Variants in ZCCHC4 observed in about 807,000 individuals in gnomAD.
ZCCHC4 encodes the protein rRNA N(6)-adenosine-methyltransferase ZCCHC4.
Under a neutral mutation model 67.7 loss-of-function variants are expected in ZCCHC4, and 54 were observed. The ratio of observed to expected loss-of-function variants is 0.80; its 90% confidence interval spans 0.64 to 1.00. ZCCHC4 has a LOEUF of 1.00. Among genes scored for constraint, ZCCHC4 ranks in the 50% least tolerant of loss-of-function variants. The pLI is 0.00. For missense variants in ZCCHC4, 609 were observed against 617.0 expected, an observed-to-expected ratio of 0.99 and a Z score of 0.14; for synonymous variants, 198 against 213.5, an observed-to-expected ratio of 0.93 and a Z score of 0.63.
chr4:25,368,020 C>A (rs572676614), intron 12 of ZCCHC4, among the ~76,000 whole-genome samples: 15 of 152,192 alleles, frequency 9.9e-5, no homozygotes, highest in African/African-American at 3.6e-4. Context: ...TCCTTGAAGT[C>A]AAAGATTATG....
At chr4:25,320,416 A>C (rs79494529) in intron 3 of ZCCHC4, among the ~76,000 whole-genome samples, 2,130 of 152,274 alleles carry the variant, frequency 0.014, 53 homozygotes, top group African/African-American at 0.047. Flanking sequence ...GCTCTTAGAG[A>C]AATGCCATAA....
At position 25,334,006 on chromosome 4, in the gene ZCCHC4, A is replaced by G. The variant is rs1719324758; in HGVS notation, c.686+18A>G. On this transcript the variant is annotated intron_variant, in intron 5 of 12. Transcript: ENST00000302874. ...GATTTTCGGTAGGTTTACAAAATAC[A>G]GTATTTCCTTTCATTGTCTCCTGTT... 2.0e-6 allele frequency: 3 copies of G among 1,505,356 alleles called. No homozygotes were observed. The highest frequency in any genetic ancestry group is 1.4e-5 in the African/African-American group (1 of 71,664). The allele number at this position is 1,505,356 out of a possible 1,614,324, so 93.2% of individuals were successfully genotyped here. A position where few individuals can be genotyped will look rare whatever the true frequency, so the allele number is the denominator to read the frequency against.
chr4:25,364,523 G>A lies in ZCCHC4; in HGVS notation c.1261+18G>A. Reference sequence around the variant, plus strand: ...AAAGCCTTGTAAGTATTGAGACTTAGTGTTTGAGATCCTATGAACATATTT... The same window carrying A: ...AAAGCCTTGTAAGTATTGAGACTTAATGTTTGAGATCCTATGAACATATTT... On this transcript the variant is annotated intron_variant, in intron 11 of 12. Coordinates refer to ENST00000302874, the MANE Select transcript of ZCCHC4 (RefSeq NM_024936.3). 6.5e-7 allele frequency: 1 copy of A among 1,544,718 alleles called. No individual in the cohort carries two copies. The highest frequency in any genetic ancestry group is 8.7e-7 in the Non-Finnish European group (1 of 1,147,050).
At chr4:25,327,082 C>G (rs1249595483) in intron 3 of ZCCHC4, among the ~76,000 whole-genome samples, 1 of 152,118 alleles carries the variant, frequency 6.6e-6, no homozygotes, top group African/African-American at 2.4e-5. Context: ...TTCTAGCAGG[C>G]TTTTTGAAGA....
chr4:25,332,387 A>G (rs1719228761), intron 3 of ZCCHC4, among the ~76,000 whole-genome samples: 1 of 151,228 alleles, frequency 6.6e-6, no homozygotes, highest in Non-Finnish European at 1.5e-5. Flanking sequence ...AGTTTTAGAC[A>G]TTTCTGACTC....
intron 3 of ZCCHC4, among the ~76,000 whole-genome samples, chr4:25,326,552 A>G (rs1352966223): frequency 1.3e-5 from 2 of 152,140 alleles, no homozygotes; most frequent in African/African-American, 2.4e-5. Flanking sequence ...CTTGACCTAT[A>G]GGTATATCTT....
At chr4:25,328,421 G>A (rs28644202) in intron 3 of ZCCHC4, among the ~76,000 whole-genome samples, 103 of 152,052 alleles carry the variant, frequency 6.8e-4, no homozygotes, top group African/African-American at 2.2e-3. Flanking sequence ...TGTATTTTTC[G>A]TAGAGATGGG....
intron 11 of ZCCHC4, among the ~76,000 whole-genome samples, 159 bp from the exon 12 acceptor site, chr4:25,364,863 A>G (rs1056747641): frequency 1.3e-5 from 2 of 152,152 alleles, no homozygotes; most frequent in Non-Finnish European, 2.9e-5. Context: ...TGGAATTCCA[A>G]CCTCTTCTCC....
Position 25,369,202 on chromosome 4 carries a change from C to G in ZCCHC4, c.*38C>G, listed in dbSNP as rs369615838. 5.0e-6 allele frequency: 8 copies of G among 1,601,998 alleles called. No individual in the cohort carries two copies. The highest frequency in any genetic ancestry group is 2.7e-5 in the African/African-American group (2 of 73,832). ...TGGAGAATAAGAAAGATTTATGGTC[C>G]AACCTTTGATGCCATTTTCTGAAAG... On this transcript the variant is annotated 3_prime_UTR_variant, in exon 13 of 13. Transcript: ENST00000302874.
chr4:25,325,594 C>T (rs969367528), intron 3 of ZCCHC4, among the ~76,000 whole-genome samples: 2 of 152,072 alleles, frequency 1.3e-5, no homozygotes, highest in Non-Finnish European at 2.9e-5. Flanking sequence ...CTTTGCTGTG[C>T]AAAAGTTTAA....
chr4:25,345,775 G>A (rs147601593), intron 6 of ZCCHC4, among the ~76,000 whole-genome samples, 155 bp downstream of exon 6: 313 of 152,266 alleles, frequency 2.1e-3, no homozygotes, highest in African/African-American at 7.1e-3. Context: ...TGTTTATTGA[G>A]CACCTAGAGG....
At chr4:25,319,239 G>C (rs1718444438) in intron 3 of ZCCHC4, among the ~76,000 whole-genome samples, 1 of 152,094 alleles carries the variant, frequency 6.6e-6, no homozygotes, top group Admixed American at 6.5e-5. Flanking sequence ...AATAAAATTA[G>C]CTGGGCGTGG....
Position 25,333,895 on chromosome 4 carries a change from C to G in ZCCHC4, c.606-13C>G. On this transcript the variant is annotated splice_polypyrimidine_tract_variant and intron_variant, in intron 4 of 12. Coordinates refer to ENST00000302874, the MANE Select transcript of ZCCHC4 (RefSeq NM_024936.3). Reference sequence around the variant, plus strand: ...TAATATCTTATTACATTTGCTTTCACTAATTGCTTTAGGTTGCATGAGCTG... The same window carrying G: ...TAATATCTTATTACATTTGCTTTCAGTAATTGCTTTAGGTTGCATGAGCTG... 2 of 1,562,412 alleles carry G rather than the reference C, an allele frequency of 1.3e-6. No homozygotes were observed. Among genetic ancestry groups the G allele is most frequent in the Non-Finnish European group, 1.7e-6 (2 of 1,159,370 alleles).
chr4:25,324,014 G>GTTTCTTTTTTTTTTTTT (rs1553895906), intron 3 of ZCCHC4, among the ~76,000 whole-genome samples: 1 of 82,448 alleles, frequency 1.2e-5, no homozygotes, highest in Non-Finnish European at 2.1e-5. Context: ...TGTTTTTTGT[G>GTTTCTTTTTTTTTTTTT]TTTTTTTTTT....
At chr4:25,368,124 A>T (rs2109097878) in intron 12 of ZCCHC4, among the ~76,000 whole-genome samples, 1 of 152,338 alleles carries the variant, frequency 6.6e-6, no homozygotes, top group Middle Eastern at 3.4e-3. Flanking sequence ...ATTGTTTATG[A>T]AGCTCTTTTC....
At chr4:25,367,054 TA>T (rs1312432021) in intron 12 of ZCCHC4, among the ~76,000 whole-genome samples, 2 of 152,166 alleles carry the variant, frequency 1.3e-5, no homozygotes, top group Non-Finnish European at 2.9e-5. Context: ...AAAGCAAAAT[TA>T]TTTTTTTCTT....
At chr4:25,358,677 C>G (rs1249972731) in intron 8 of ZCCHC4, among the ~76,000 whole-genome samples, 2 of 152,232 alleles carry the variant, frequency 1.3e-5, no homozygotes, top group African/African-American at 4.8e-5. Context: ...AGGCAGCTTT[C>G]CAGCCGCAGC....
intron 3 of ZCCHC4, among the ~76,000 whole-genome samples, 180 bp downstream of exon 3, chr4:25,315,580 ATGT>A (rs1436570990): frequency 6.6e-6 from 1 of 152,130 alleles, no homozygotes; most frequent in Non-Finnish European, 1.5e-5. Context: ...AAGTACATTC[ATGT>A]TGTTGTGTAA....
At chr4:25,362,411 A>G in intron 10 of ZCCHC4, 110 bp downstream of exon 10, 1 of 604,274 alleles carries the variant, frequency 1.7e-6, no homozygotes, top group African/African-American at 1.9e-5. Flanking sequence ...TTGTATTAAT[A>G]TGTATTATCA....
Sources: allele counts gnomAD v4.1 joint callset (sites outside exome capture counted in the v4.1 genomes callset), GRCh38; gene constraint gnomAD v4.1.1; transcripts MANE v1.5; gene names NCBI Gene and HGNC (gene_info 2026-07-23, HGNC 2026-07-21).